The following PRDM16 variants were observed in gnomAD, a reference collection of about 807,000 sequenced individuals.
PRDM16 encodes PR/SET domain 16.
PRDM16 carries 23 observed loss-of-function variants against 110.6 expected under a neutral mutation model. The ratio of observed to expected loss-of-function variants is 0.21; its 90% confidence interval spans 0.15 to 0.29. The LOEUF (loss-of-function observed/expected upper bound fraction) is 0.29, where lower values mean the gene tolerates loss of function less well. Ranked by LOEUF, PRDM16 falls within the 10% of genes least tolerant of loss-of-function variation. PRDM16 has a pLI of 1.00. For missense variants in PRDM16, 1,615 were observed against 1,794.3 expected (o/e 0.90, Z 1.81); for synonymous variants, 799 against 781.8 (o/e 1.02, Z -0.37).
chr1:3,192,546 C>T (rs1485596514), intron 2 of PRDM16, among the ~76,000 whole-genome samples: 1 of 152,148 alleles, frequency 6.6e-6, no homozygotes, highest in Non-Finnish European at 1.5e-5. Context: ...GAGGCTCTGC[C>T]TTTCTACCGT....
chr1:3,426,082 C>A lies in PRDM16; in HGVS notation c.3141C>A (p.His1047Gln), dbSNP rs754311746. The A allele has an allele frequency of 6.2e-7, 1 of 1,613,824 alleles. No individual in the cohort carries two copies. Among genetic ancestry groups the A allele is most frequent in the Non-Finnish European group, 8.5e-7 (1 of 1,179,968 alleles). The change falls in exon 14 of 17, where the codon CAC becomes CAA. Residue 1047 changes from histidine (H) to glutamine (Q), a missense_variant. His to Gln is a conservative substitution (Grantham distance 24). Coordinates refer to ENST00000270722, the MANE Select transcript of PRDM16 (RefSeq NM_022114.4). ...AGCACCCCGGGGTCCTCACGAACCACCTGGGGACCAGCGCGTCCTCTCCCA... is the reference window on the plus strand; with the variant it reads ...AGCACCCCGGGGTCCTCACGAACCAACTGGGGACCAGCGCGTCCTCTCCCA... ...VSQHPGVLTN[H>Q]LGTSASSPTS... is the part of the protein sequence containing the mutation.
intron 1 of PRDM16, among the ~76,000 whole-genome samples, chr1:3,154,963 C>T (rs1472859480): frequency 2.6e-5 from 4 of 152,292 alleles, no homozygotes; most frequent in South Asian, 2.1e-4. Flanking sequence ...TTGTGTGAAC[C>T]GACCCCGCCA....
At chr1:3,137,087 T>C (rs2100694355) in intron 1 of PRDM16, among the ~76,000 whole-genome samples, 1 of 151,748 alleles carries the variant, frequency 6.6e-6, no homozygotes, top group South Asian at 2.1e-4. Flanking sequence ...GGAAAGAGAG[T>C]CAGAGATACA....
chr1:3,364,548 A>C (rs1056468692), intron 3 of PRDM16, among the ~76,000 whole-genome samples: 1 of 151,966 alleles, frequency 6.6e-6, no homozygotes, highest in Non-Finnish European at 1.5e-5. Context: ...CAGGATTCCC[A>C]CCGCTCAGCC....
intron 3 of PRDM16, among the ~76,000 whole-genome samples, chr1:3,293,630 C>T (rs780963087): frequency 2.0e-5 from 3 of 152,228 alleles, no homozygotes; most frequent in Admixed American, 6.5e-5. Context: ...GTTTGAGCTC[C>T]GCTCTGAATA....
intron 8 of PRDM16, among the ~76,000 whole-genome samples, chr1:3,406,581 T>A (rs58770868): frequency 1.8e-3 from 210 of 117,210 alleles, no homozygotes; most frequent in African/African-American, 7.6e-3. Flanking sequence ...AAAAAAAAAA[T>A]TTTTTTTTTA....
At chr1:3,138,392 T>G (rs1484870878) in intron 1 of PRDM16, among the ~76,000 whole-genome samples, 1 of 152,218 alleles carries the variant, frequency 6.6e-6, no homozygotes, top group Admixed American at 6.5e-5. Context: ...ATCTGGGCTG[T>G]CCCTGAGCAA....
intron 3 of PRDM16, among the ~76,000 whole-genome samples, chr1:3,384,261 C>T (rs1643157988): frequency 6.6e-6 from 1 of 152,188 alleles, no homozygotes; most frequent in Non-Finnish European, 1.5e-5. Context: ...CATCCCCTGC[C>T]CCCTGCCCTC....
intron 1 of PRDM16, among the ~76,000 whole-genome samples, chr1:3,173,688 C>G (rs1469323228): frequency 6.6e-6 from 1 of 152,236 alleles, no homozygotes. Flanking sequence ...GTTTGCCCTT[C>G]CCCTTGGCAG....
intron 1 of PRDM16, among the ~76,000 whole-genome samples, chr1:3,155,155 C>T (rs1358096031): frequency 2.0e-5 from 3 of 152,202 alleles, no homozygotes; most frequent in Non-Finnish European, 4.4e-5. Context: ...TGGAGAGAGG[C>T]TGCCGTCCTG....
intron 3 of PRDM16, among the ~76,000 whole-genome samples, chr1:3,269,879 A>AGTCCCAGAGGAGGAAT: frequency 7.5e-6 from 1 of 132,972 alleles, no homozygotes; most frequent in South Asian, 2.3e-4. Flanking sequence ...AGAGGAGGAA[A>AGTCCCAGAGGAGGAAT]GTCCCAGAGG....
In PRDM16 at chr1:3,434,371, T is replaced by C. The variant is rs534789136; in HGVS notation, c.*560T>C. ...TTTTTAAAAGTAATTTTGCATTGCTTTGAAATTTGAGCTCATTTGCAAACC... is the reference window on the plus strand; with the variant it reads ...TTTTTAAAAGTAATTTTGCATTGCTCTGAAATTTGAGCTCATTTGCAAACC... On this transcript the variant is annotated 3_prime_UTR_variant, in exon 17 of 17. Transcript: ENST00000270722. 177 of 232,614 alleles carry C rather than the reference T, an allele frequency of 7.6e-4. No individual in the cohort carries two copies. The highest frequency in any genetic ancestry group is 7.9e-4 in the Non-Finnish European group (93 of 117,718). The allele number at this position is 232,614 out of a possible 1,614,324, so 14.4% of individuals were successfully genotyped here. A position where few individuals can be genotyped will look rare whatever the true frequency, so the allele number is the denominator to read the frequency against.
rs543898089 is a variant in PRDM16, at chr1:3,237,698, G to A, written c.388-6389G>A. Among the ~76,000 whole-genome samples the A allele has an allele frequency of 5.9e-5, 9 of 152,324 alleles. No individual in the cohort carries two copies. In the East Asian group the frequency reaches 1.7e-3, roughly 29 times the overall value. ...GGGAGATGCGCGCGGGGCCAGCCTC[G>A]CCCGGGCGGTGTGTCCAGGCCAAGG... On this transcript the variant is annotated intron_variant, in intron 2 of 16. Coordinates refer to ENST00000270722, the MANE Select transcript of PRDM16 (RefSeq NM_022114.4).
At chr1:3,332,177 T>G (rs1642054613) in intron 3 of PRDM16, among the ~76,000 whole-genome samples, 1 of 152,278 alleles carries the variant, frequency 6.6e-6, no homozygotes, top group South Asian at 2.1e-4. Context: ...GCTCACCTCT[T>G]TCCAGGCTGG....
At chr1:3,312,005 T>C (rs1185559993) in intron 3 of PRDM16, among the ~76,000 whole-genome samples, 3 of 152,168 alleles carry the variant, frequency 2.0e-5, no homozygotes, top group Non-Finnish European at 4.4e-5. Context: ...AGAAAGCTGC[T>C]TGAGAAGGCT....
At chr1:3,203,353 A>G (rs1638676570) in intron 2 of PRDM16, among the ~76,000 whole-genome samples, 2 of 152,208 alleles carry the variant, frequency 1.3e-5, no homozygotes, top group South Asian at 4.1e-4. Context: ...TTGTGTTCTA[A>G]TAACCCAGCT....
At chr1:3,170,325 G>A (rs1644011742) in intron 1 of PRDM16, among the ~76,000 whole-genome samples, 1 of 152,218 alleles carries the variant, frequency 6.6e-6, no homozygotes, top group Non-Finnish European at 1.5e-5. Flanking sequence ...CCAGAGAGGG[G>A]CTGCAGCTGT....
rs757211426 is a variant in PRDM16, at chr1:3,433,672, G to C, written c.3697-5G>C. 5.6e-6 allele frequency: 9 copies of C among 1,611,776 alleles called. No homozygotes were observed. Among genetic ancestry groups the C allele is most frequent in the Non-Finnish European group, 7.6e-6 (9 of 1,178,702 alleles). ...CCTGTGTGTGTGTCATCCCCTCCCC[G>C]CCAGGCATATGCAATGATGCTGTCC... is the stretch of plus-strand genomic sequence containing the variant. On this transcript the variant is annotated splice_region_variant and splice_polypyrimidine_tract_variant and intron_variant, in intron 16 of 16. Transcript: ENST00000270722.
At chr1:3,225,569 T>TGC (rs1431851886) in intron 2 of PRDM16, among the ~76,000 whole-genome samples, 3 of 121,642 alleles carry the variant, frequency 2.5e-5, no homozygotes, top group African/African-American at 7.5e-5. Flanking sequence ...TGTGTGTGTG[T>TGC]GTGTGCGCGC....
Sources: gnomAD v4.1 joint callset for allele counts (sites outside exome capture counted in the v4.1 genomes callset) on GRCh38, gnomAD v4.1.1 for gene constraint, MANE v1.5 for transcripts, NCBI Gene and HGNC (gene_info 2026-07-23, HGNC 2026-07-21) for gene names.